The following ZFHX4 variants were observed in gnomAD, a reference collection of about 807,000 sequenced individuals.
ZFHX4 encodes the protein zinc finger homeobox 4.
ZFHX4 carries 56 observed loss-of-function variants against 267.6 expected under a neutral mutation model. The observed-to-expected ratio is 0.21, with a 90% CI of 0.17 to 0.26. The LOEUF (loss-of-function observed/expected upper bound fraction) is 0.26. Ranked by LOEUF, ZFHX4 falls within the 10% of genes least tolerant of loss-of-function variation. The pLI is 1.00. For missense variants in ZFHX4, 4,332 were observed against 4,420.0 expected (o/e 0.98, Z 0.56); for synonymous variants, 1,778 against 1,665.6 (o/e 1.07, Z -1.64).
rs73237566 is a variant in ZFHX4, at chr8:76,778,871, G to A, written c.3325+432G>A. On this transcript the variant is annotated intron_variant, in intron 4 of 10. Coordinates refer to ENST00000651372, the MANE Select transcript of ZFHX4 (RefSeq NM_024721.5). Reference sequence around the variant, plus strand: ...AAAAGATTAATAGTTTTATTTGAGAGAGACCAGTAATTTAAAACATAAGAC... The same window carrying A: ...AAAAGATTAATAGTTTTATTTGAGAAAGACCAGTAATTTAAAACATAAGAC... Among the ~76,000 whole-genome samples, 1,330 of 152,302 alleles carry A rather than the reference G, an allele frequency of 8.7e-3. 23 individuals carry two copies. The highest frequency in any genetic ancestry group is 0.031 in the African/African-American group (1,277 of 41,562).
In ZFHX4 at chr8:76,815,622, C is replaced by A. The variant is rs574375621; in HGVS notation, c.3326-17716C>A. Among the ~76,000 whole-genome samples, 5 of 152,234 alleles carry A rather than the reference C, an allele frequency of 3.3e-5. No individual in the cohort carries two copies. The East Asian group carries it at 9.7e-4, about 29-fold the overall frequency. On this transcript the variant is annotated intron_variant, in intron 4 of 10. Transcript: ENST00000651372. ...GCTCAAGTGATCCTCCTGCCTCAGC[C>A]TCTGGGATAACTGGGACTACAGGCA...
intron 4 of ZFHX4, among the ~76,000 whole-genome samples, chr8:76,790,172 A>G (rs1810797383): frequency 6.6e-6 from 1 of 152,142 alleles, no homozygotes. Context: ...TCCTATATAC[A>G]TGGTCCAAGG....
rs117132156 is a variant in ZFHX4 at position 76,784,618 on chromosome 8, A to G, written c.3325+6179A>G. ...TAATTATTTTGAGGACAGCCAGAAT[A>G]TATAGCAGGAACACTGCAGGGTTAC... On this transcript the variant is annotated intron_variant, in intron 4 of 10. Coordinates refer to ENST00000651372, the MANE Select transcript of ZFHX4 (RefSeq NM_024721.5). Among the ~76,000 whole-genome samples the G allele has an allele frequency of 1.7e-3, 257 of 152,164 alleles. 3 individuals are homozygous for G. In the East Asian group the frequency reaches 0.018, roughly 11 times the overall value.
chr8:76,708,056 G>GT lies in ZFHX4; in HGVS notation c.3093+9dup. 1.2e-6 allele frequency: 2 copies of GT among 1,612,476 alleles called. No homozygotes were observed. Among genetic ancestry groups the GT allele is most frequent in the Non-Finnish European group, 1.7e-6 (2 of 1,179,864 alleles). ...GCCCTGAAGCTCTACAAGGTAAGCAGTGACATCCATTTCCGTTGGCACAGA... is the reference window on the plus strand; with the variant it reads ...GCCCTGAAGCTCTACAAGGTAAGCAGTTGACATCCATTTCCGTTGGCACAGA... On this transcript the variant is annotated intron_variant, in intron 3 of 10. Transcript: ENST00000651372.
intron 5 of ZFHX4, among the ~76,000 whole-genome samples, chr8:76,841,401 G>A (rs550975634): frequency 5.3e-5 from 8 of 152,164 alleles, no homozygotes; most frequent in African/African-American, 1.2e-4. Context: ...AGAGGGCCAC[G>A]ATTTCCCCTT....
chr8:76,738,607 CTTCCTTCCTTCCTTCCTTCT>C (rs1197254306), intron 3 of ZFHX4, among the ~76,000 whole-genome samples: 32 of 145,234 alleles, frequency 2.2e-4, no homozygotes, highest in African/African-American at 7.6e-4. Context: ...TTTTTCCTTC[CTTCCTTCCTTCCTTCCTTCT>C]TTCCTTCCTT....
chr8:76,764,036 T>G (rs1446317039), intron 3 of ZFHX4, among the ~76,000 whole-genome samples: 1 of 152,152 alleles, frequency 6.6e-6, no homozygotes, highest in Non-Finnish European at 1.5e-5. Flanking sequence ...ATCAACAAAA[T>G]GGAGGGAATA....
In ZFHX4 at chr8:76,809,947, G is replaced by T. The variant is rs541199258; in HGVS notation, c.3326-23391G>T. The stretch of plus-strand genomic sequence containing the variant: ...TTATTCCGAAGACCCAGTCAAAAAT[G>T]CAAGTCCTATCATTAAACTTCTATC... On this transcript the variant is annotated intron_variant, in intron 4 of 10. Transcript: ENST00000651372. Among the ~76,000 whole-genome samples the T allele has an allele frequency of 9.9e-5, 15 of 152,170 alleles. No individual in the cohort carries two copies. The East Asian group carries it at 2.9e-3, about 29-fold the overall frequency.
chr8:76,718,441 A>G (rs535093809), intron 3 of ZFHX4, among the ~76,000 whole-genome samples: 5 of 152,318 alleles, frequency 3.3e-5, no homozygotes, highest in South Asian at 2.1e-4. Context: ...GATTTTTATT[A>G]GAAAATTAGG....
rs28529835 is a variant in ZFHX4, at chr8:76,785,470, A to G, written c.3325+7031A>G. ...AAATAATCCCATTGGGAGAGGAGGG[A>G]AAAAAAACCTATTTTTAGAATAAAT... On this transcript the variant is annotated intron_variant, in intron 4 of 10. Coordinates refer to ENST00000651372, the MANE Select transcript of ZFHX4 (RefSeq NM_024721.5). Among the ~76,000 whole-genome samples, 680 of 150,690 alleles carry G rather than the reference A, an allele frequency of 4.5e-3. 6 individuals carry two copies. The highest frequency in any genetic ancestry group is 0.016 in the African/African-American group (636 of 40,452).
rs544493766 is a variant in ZFHX4 at position 76,849,053 on chromosome 8, C to A, written c.3570C>A (p.Leu1190=). 5.1e-6 allele frequency: 8 copies of A among 1,567,144 alleles called. No homozygotes were observed. The highest frequency in any genetic ancestry group is 4.7e-5 in the South Asian group (4 of 84,844). The part of the protein sequence containing the change: ...KVSVAGGTQP[L]LLAKEEDVAT... ...GTGTGGCAGGGGGTACCCAGCCACTCCTGCTGGCAAAAGAAGAGGATGTTG... is the reference window on the plus strand; with the variant it reads ...GTGTGGCAGGGGGTACCCAGCCACTACTGCTGGCAAAAGAAGAGGATGTTG... The change falls in exon 7 of 11, where the codon CTC becomes CTA. Residue 1190 remains leucine (L), a synonymous_variant. Coordinates refer to ENST00000651372, the MANE Select transcript of ZFHX4 (RefSeq NM_024721.5).
Position 76,852,284 on chromosome 8 carries a change from T to G in ZFHX4, c.5363T>G (p.Val1788Gly). 1.3e-6 allele frequency: 2 copies of G among 1,571,230 alleles called. No individual in the cohort carries two copies. The highest frequency in any genetic ancestry group is 1.7e-6 in the Non-Finnish European group (2 of 1,156,982). ...LKQQIQTQHH[V>G]GQTQLQILQQ... Reference sequence around the variant, plus strand: ...CAGCAGATTCAAACCCAACATCACGTTGGTCAAACTCAACTCCAGATACTA... The same window carrying G: ...CAGCAGATTCAAACCCAACATCACGGTGGTCAAACTCAACTCCAGATACTA... The change falls in exon 10 of 11, where the codon GTT becomes GGT. Residue 1788 changes from valine to glycine, a missense_variant. Around this residue, in one of 7 missense-constraint regions of ZFHX4, gnomAD observed 1,371 missense variants for 1,423.1 expected, o/e 0.96. Coordinates refer to ENST00000651372, the MANE Select transcript of ZFHX4 (RefSeq NM_024721.5).
chr8:76,767,835 C>A (rs1269330613), intron 3 of ZFHX4, among the ~76,000 whole-genome samples: 2 of 152,112 alleles, frequency 1.3e-5, no homozygotes, highest in Admixed American at 6.6e-5. Context: ...TGAACATGTT[C>A]TCTGGATATG....
At chr8:76,774,035 A>G (rs2733714) in intron 3 of ZFHX4, among the ~76,000 whole-genome samples, 126,389 of 152,062 alleles carry the variant, frequency 0.83, 53,060 homozygotes, top group African/African-American at 0.95. Flanking sequence ...TGGTTGTTTT[A>G]GCTTTCCCTG....
At chr8:76,808,280 CCT>C (rs1444407156) in intron 4 of ZFHX4, among the ~76,000 whole-genome samples, 2 of 152,050 alleles carry the variant, frequency 1.3e-5, no homozygotes, top group Non-Finnish European at 2.9e-5. Flanking sequence ...AAAAATAGCC[CCT>C]CTTTTTCTAA....
intron 3 of ZFHX4, among the ~76,000 whole-genome samples, chr8:76,716,445 G>A (rs956099708): frequency 6.6e-6 from 1 of 152,104 alleles, no homozygotes; most frequent in African/African-American, 2.4e-5. Flanking sequence ...GACATATGAG[G>A]AAACAGATTC....
In ZFHX4 at chr8:76,849,556, T is replaced by C; in HGVS notation, c.3690T>C (p.Ser1230=). The C allele has an allele frequency of 6.2e-7, 1 of 1,614,004 alleles. No homozygotes were observed. The highest frequency in any genetic ancestry group is 8.5e-7 in the Non-Finnish European group (1 of 1,179,870). The change falls in exon 8 of 11, where the codon AGT becomes AGC. Residue 1230 remains serine (S), a synonymous_variant. Coordinates refer to ENST00000651372, the MANE Select transcript of ZFHX4 (RefSeq NM_024721.5). Reference sequence around the variant, plus strand: ...GTAACTACAATAGTAGGGACCAAAGTCGTATCCAGATGCACGTCCTATCAC... The same window carrying C: ...GTAACTACAATAGTAGGGACCAAAGCCGTATCCAGATGCACGTCCTATCAC... ...PYCNYNSRDQ[S]RIQMHVLSQH... is the part of the protein sequence containing the mutation.
intron 4 of ZFHX4, among the ~76,000 whole-genome samples, chr8:76,801,160 TTTAA>T (rs1213889192): frequency 6.6e-6 from 1 of 152,086 alleles, no homozygotes; most frequent in Non-Finnish European, 1.5e-5. Flanking sequence ...CTAACTTTTC[TTTAA>T]TTAAAAAAAA....
intron 1 of ZFHX4, among the ~76,000 whole-genome samples, chr8:76,699,744 CAAA>C (rs34108017): frequency 5.6e-5 from 5 of 89,718 alleles, no homozygotes; most frequent in Non-Finnish European, 7.6e-5. Flanking sequence ...GCAACTGATG[CAAA>C]AAAAAAAAAA....
Sources: allele counts gnomAD v4.1 joint callset (sites outside exome capture counted in the v4.1 genomes callset), GRCh38; gene constraint gnomAD v4.1.1; regional missense constraint gnomAD v4.1.1; transcripts MANE v1.5; gene names NCBI Gene and HGNC (gene_info 2026-07-23, HGNC 2026-07-21).